MAGI1: variants seen among roughly 807,000 people sequenced by gnomAD.
MAGI1 encodes membrane-associated guanylate kinase, WW and PDZ domain-containing protein 1.
MAGI1 carries 58 observed loss-of-function variants against 139.9 expected under a neutral mutation model. The observed-to-expected ratio is 0.41, with a 90% CI of 0.34 to 0.52. The LOEUF (loss-of-function observed/expected upper bound fraction) is 0.52. MAGI1 is among the 20% of genes least tolerant of loss of function. The pLI, the probability that MAGI1 is intolerant of heterozygous loss-of-function variation, is 0.12. For missense variants in MAGI1, 1,874 were observed against 1,901.6 expected, an observed-to-expected ratio of 0.99 and a Z score of 0.27; for synonymous variants, 812 against 737.9, an observed-to-expected ratio of 1.10 and a Z score of -1.63.
At chr3:65,944,642 C>T (rs551296711) in intron 1 of MAGI1, among the ~76,000 whole-genome samples, 157 of 152,062 alleles carry the variant, frequency 1.0e-3, no homozygotes, top group Non-Finnish European at 2.1e-3. Context: ...AAGGAAGGGA[C>T]GGAGGGAGGG....
chr3:65,449,860 A>G (rs1240638536), intron 6 of MAGI1, among the ~76,000 whole-genome samples: 2 of 152,146 alleles, frequency 1.3e-5, no homozygotes, highest in East Asian at 3.9e-4. Context: ...TAAAACCATG[A>G]TAAGTTCTCA....
intron 1 of MAGI1, among the ~76,000 whole-genome samples, chr3:65,945,827 C>A (rs2106888388): frequency 6.6e-6 from 1 of 152,340 alleles, no homozygotes; most frequent in East Asian, 1.9e-4. Context: ...ACTTAAACTT[C>A]TTTAAATTTA....
chr3:65,452,236 G>A (rs190201164), intron 6 of MAGI1, among the ~76,000 whole-genome samples: 1 of 152,106 alleles, frequency 6.6e-6, no homozygotes, highest in Middle Eastern at 3.2e-3. Flanking sequence ...AATAGTCTAT[G>A]TCATTTAACG....
chr3:65,357,214 C>A, intron 22 of MAGI1, 82 bp from the exon 23 acceptor site: 1 of 1,391,786 alleles, frequency 7.2e-7, no homozygotes, highest in East Asian at 2.3e-5. Flanking sequence ...CACTCGAGAC[C>A]TCATTAGTCA....
intron 1 of MAGI1, among the ~76,000 whole-genome samples, chr3:65,721,122 G>C (rs141683293): frequency 2.1e-4 from 32 of 152,250 alleles, no homozygotes; most frequent in African/African-American, 7.7e-4. Flanking sequence ...CCTTCCTAGA[G>C]TTCCAGAGGT....
At chr3:65,676,014 T>TA (rs1180994510) in intron 1 of MAGI1, among the ~76,000 whole-genome samples, 1 of 152,206 alleles carries the variant, frequency 6.6e-6, no homozygotes, top group East Asian at 1.9e-4. Context: ...AAAAACCACA[T>TA]GGTTATCTCA....
intron 10 of MAGI1, among the ~76,000 whole-genome samples, chr3:65,434,555 T>A (rs1409497498): frequency 7.2e-5 from 11 of 152,070 alleles, no homozygotes; most frequent in Non-Finnish European, 1.5e-4. Flanking sequence ...CTAACCAAAT[T>A]AGCTATATGG....
intron 18 of MAGI1, among the ~76,000 whole-genome samples, chr3:65,372,586 T>G (rs185022374): frequency 2.0e-5 from 3 of 152,246 alleles, no homozygotes; most frequent in African/African-American, 7.2e-5. Context: ...AACTAGGCAT[T>G]GATGTCTCCT....
intron 1 of MAGI1, among the ~76,000 whole-genome samples, chr3:65,792,506 G>GT (rs10710743): frequency 6.6e-6 from 1 of 151,730 alleles, no homozygotes; most frequent in African/African-American, 2.4e-5. Context: ...AACTAATACA[G>GT]TTTTTTATTA....
rs1177250892 is a variant in MAGI1 at position 65,911,366 on chromosome 3, G to A, written c.313+126630C>T. ...GGAGTTGGCTCATCCTCCGGGGGAC[G>A]CTCTACAGAGATGTGGCTTCAGCTC... is the stretch of plus-strand genomic sequence containing the variant. On this transcript the variant is annotated intron_variant, in intron 1 of 22. Transcript: ENST00000402939. Among the ~76,000 whole-genome samples, 7 of 151,960 alleles carry A rather than the reference G, an allele frequency of 4.6e-5. No individual in the cohort carries two copies. The South Asian group carries it at 8.3e-4, about 18-fold the overall frequency.
intron 1 of MAGI1, among the ~76,000 whole-genome samples, chr3:65,991,540 G>C (rs1462270472): frequency 6.6e-6 from 1 of 152,112 alleles, no homozygotes; most frequent in Non-Finnish European, 1.5e-5. Context: ...TGAGGAAATA[G>C]CTTGGGTGAG....
intron 1 of MAGI1, among the ~76,000 whole-genome samples, chr3:65,823,801 G>A (rs752974628): frequency 6.6e-6 from 1 of 152,108 alleles, no homozygotes; most frequent in Non-Finnish European, 1.5e-5. Flanking sequence ...AGGATGCTTC[G>A]TATAAGCACT....
chr3:65,869,296 A>G (rs1331494390), intron 1 of MAGI1, among the ~76,000 whole-genome samples: 2 of 146,628 alleles, frequency 1.4e-5, no homozygotes, highest in East Asian at 1.9e-4. Context: ...TTATGTTTAT[A>G]ATGTGTCATC....
chr3:65,637,918 G>C (rs888395790), intron 1 of MAGI1, among the ~76,000 whole-genome samples: 29 of 152,060 alleles, frequency 1.9e-4, no homozygotes, highest in African/African-American at 6.8e-4. Context: ...CAAACCATGA[G>C]AGTTTCCTAT....
At chr3:65,718,155 G>A (rs2032506043) in intron 1 of MAGI1, among the ~76,000 whole-genome samples, 1 of 152,110 alleles carries the variant, frequency 6.6e-6, no homozygotes, top group Admixed American at 6.6e-5. Flanking sequence ...CAACTGATAG[G>A]CTATGTCGTC....
At chr3:65,446,720 T>C (rs76316968) in intron 7 of MAGI1, among the ~76,000 whole-genome samples, 3,633 of 152,324 alleles carry the variant, frequency 0.024, 65 homozygotes, top group Non-Finnish European at 0.023. Context: ...TCTAATATCA[T>C]TGGATTGACA....
chr3:65,639,460 C>T lies in MAGI1; in HGVS notation c.314-17372G>A, dbSNP rs546426175. ...CCTGGATTTGAGACTTAAATCTGCACAGGTATTTGAGTTTCGGGAAGTCAT... is the reference window on the plus strand; with the variant it reads ...CCTGGATTTGAGACTTAAATCTGCATAGGTATTTGAGTTTCGGGAAGTCAT... On this transcript the variant is annotated intron_variant, in intron 1 of 22. Coordinates refer to ENST00000402939, the MANE Select transcript of MAGI1 (RefSeq NM_001033057.2). Among the ~76,000 whole-genome samples the T allele has an allele frequency of 3.3e-4, 51 of 152,266 alleles. 1 individual carries two copies. In the South Asian group the frequency reaches 9.1e-3, roughly 27 times the overall value.
chr3:65,826,410 A>G (rs2042233155), intron 1 of MAGI1, among the ~76,000 whole-genome samples: 1 of 152,260 alleles, frequency 6.6e-6, no homozygotes, highest in Non-Finnish European at 1.5e-5. Context: ...GTGTTGAAAG[A>G]GACTGGATAT....
At chr3:65,480,682 T>C (rs1951225247) in intron 3 of MAGI1, among the ~76,000 whole-genome samples, 1 of 150,696 alleles carries the variant, frequency 6.6e-6, no homozygotes, top group Non-Finnish European at 1.5e-5. Flanking sequence ...ACCTCCCAGG[T>C]TCAAGCGATT....
Sources: gnomAD v4.1 joint callset for allele counts (sites outside exome capture counted in the v4.1 genomes callset) on GRCh38, gnomAD v4.1.1 for gene constraint, MANE v1.5 for transcripts, NCBI Gene and HGNC (gene_info 2026-07-23, HGNC 2026-07-21) for gene names.